Variants in ZNF827 observed in about 807,000 individuals in gnomAD.
ZNF827 encodes zinc finger protein 827.
In ZNF827, 13 loss-of-function variants were observed where a neutral mutation model predicts 102.4. That is an observed-to-expected ratio of 0.13 (90% CI 0.08 to 0.20). The LOEUF (loss-of-function observed/expected upper bound fraction) is 0.20. Among genes scored for constraint, ZNF827 ranks in the 10% least tolerant of loss-of-function variants. ZNF827 has a pLI of 1.00. For synonymous variants in ZNF827, 523 were observed against 536.2 expected, an observed-to-expected ratio of 0.98 and a Z score of 0.34; for missense variants, 1,103 against 1,344.4, an observed-to-expected ratio of 0.82 and a Z score of 2.81.
intron 3 of ZNF827, among the ~76,000 whole-genome samples, chr4:145,889,554 CTTT>C (rs36000739): frequency 7.3e-6 from 1 of 136,748 alleles, no homozygotes; most frequent in Admixed American, 7.3e-5. Flanking sequence ...ACTGACCCCA[CTTT>C]TTTTTTTTTT....
At chr4:145,832,249 G>C (rs1280177104) in intron 7 of ZNF827, 1 of 151,406 alleles carries the variant, frequency 6.6e-6, no homozygotes, top group Non-Finnish European at 1.5e-5. Flanking sequence ...TGGGCGACAG[G>C]GCAAGACCTC....
chr4:145,791,743 G>A (rs1039977136), intron 8 of ZNF827, among the ~76,000 whole-genome samples: 3 of 152,144 alleles, frequency 2.0e-5, no homozygotes, highest in African/African-American at 4.8e-5. Flanking sequence ...TCTGGGCACC[G>A]TGCTAAGGCT....
At chr4:145,918,343 A>AG (rs1752823900) in intron 1 of ZNF827, among the ~76,000 whole-genome samples, 2 of 148,824 alleles carry the variant, frequency 1.3e-5, no homozygotes, top group Non-Finnish European at 3.0e-5. Context: ...AAAAAAAAAA[A>AG]AAAAAAAAAA....
Position 145,763,694 on chromosome 4 carries a change from G to A in ZNF827, c.3231-572C>T, listed in dbSNP as rs1266716456. 6.6e-6 allele frequency among the ~76,000 whole-genome samples: 1 copy of A among 152,216 alleles called. No individual in the cohort carries two copies. The highest frequency in any genetic ancestry group is 2.4e-5 in the African/African-American group (1 of 41,446). On this transcript the variant is annotated intron_variant, in intron 13 of 14. Transcript: ENST00000508784. The surrounding 1 kb of genome is among the most constrained non-coding windows in gnomAD (Gnocchi z 4.6). ...CACTGGTCCAACCACAGAAAAACAT[G>A]GTTCTGGTGTTTCTCTTTTTAAAAT...
chr4:145,912,583 G>T (rs1441690225), intron 1 of ZNF827, among the ~76,000 whole-genome samples: 1 of 152,222 alleles, frequency 6.6e-6, no homozygotes. Context: ...AGATAATCAA[G>T]TGAAGATGAG....
intron 1 of ZNF827, among the ~76,000 whole-genome samples, chr4:145,912,240 A>G (rs530125049): frequency 6.6e-6 from 1 of 152,322 alleles, no homozygotes; most frequent in East Asian, 1.9e-4. Context: ...TGTTATATAT[A>G]AATGTGTTTC....
At chr4:145,813,948 T>A (rs755929607) in intron 8 of ZNF827, among the ~76,000 whole-genome samples, 1 of 152,078 alleles carries the variant, frequency 6.6e-6, no homozygotes, top group Non-Finnish European at 1.5e-5. Flanking sequence ...GGTAACTGAA[T>A]GGAAGTGGAG....
intron 4 of ZNF827, among the ~76,000 whole-genome samples, chr4:145,873,216 T>C (rs1353900504): frequency 6.6e-6 from 1 of 152,158 alleles, no homozygotes. Flanking sequence ...ATTATAGGCG[T>C]GAGCCGACAC....
intron 7 of ZNF827, 83 bp downstream of exon 7, chr4:145,845,873 G>T (rs1247968047): frequency 3.5e-6 from 5 of 1,420,878 alleles, no homozygotes; most frequent in Non-Finnish European, 5.0e-6. Context: ...GGAGAAAGAG[G>T]TTTGGGGAGC....
chr4:145,841,742 G>T (rs564557266), intron 7 of ZNF827, among the ~76,000 whole-genome samples: 1 of 152,344 alleles, frequency 6.6e-6, no homozygotes, highest in African/African-American at 2.4e-5. Context: ...ACACAAACAA[G>T]GGTGGAGGGA....
In ZNF827 at chr4:145,763,126, C is replaced by T. The variant is rs999904577; in HGVS notation, c.3231-4G>A. 49 of 1,536,024 alleles carry T rather than the reference C, an allele frequency of 3.2e-5. No individual in the cohort carries two copies. The highest frequency in any genetic ancestry group is 7.3e-5 in the East Asian group (3 of 40,926). On this transcript the variant is annotated splice_region_variant and splice_polypyrimidine_tract_variant and intron_variant, in intron 13 of 14. Transcript: ENST00000508784. The surrounding 1 kb of genome is among the most constrained non-coding windows in gnomAD (Gnocchi z 4.6). Reference sequence around the variant, plus strand: ...TGAAACTCACCACTGTCCTGAGCTACGGCAAAAGAAAAATAATAGTATAAT... The same window carrying T: ...TGAAACTCACCACTGTCCTGAGCTATGGCAAAAGAAAAATAATAGTATAAT...
chr4:145,807,794 CAAAAACAAAAA>C (rs1249343878), intron 8 of ZNF827, among the ~76,000 whole-genome samples: 5 of 140,362 alleles, frequency 3.6e-5, no homozygotes, highest in African/African-American at 1.3e-4. Flanking sequence ...AAACAAAAAA[CAAAAACAAAAA>C]AAAAACAAAA....
intron 4 of ZNF827, among the ~76,000 whole-genome samples, chr4:145,873,265 T>C (rs1180209070): frequency 6.6e-6 from 1 of 152,186 alleles, no homozygotes; most frequent in Non-Finnish European, 1.5e-5. Context: ...CTGATGTGTC[T>C]CAAGTACCCT....
chr4:145,812,892 GCTTT>G (rs1428040028), intron 8 of ZNF827, among the ~76,000 whole-genome samples: 2 of 152,104 alleles, frequency 1.3e-5, no homozygotes, highest in Admixed American at 6.6e-5. Context: ...CTGTGGTTTT[GCTTT>G]CTAAGATTTC....
At chr4:145,791,421 G>A (rs1395455435) in intron 8 of ZNF827, among the ~76,000 whole-genome samples, 3 of 152,170 alleles carry the variant, frequency 2.0e-5, no homozygotes, top group Non-Finnish European at 4.4e-5. Flanking sequence ...ATTGAAATGG[G>A]GGGACATAAA....
At chr4:145,797,077 T>C (rs11730769) in intron 8 of ZNF827, among the ~76,000 whole-genome samples, 145,859 of 152,276 alleles carry the variant, frequency 0.96, 69,933 homozygotes, top group African/African-American at 0.99. Flanking sequence ...CCTGGGGTCA[T>C]GCCAAACCAG....
chr4:145,798,845 T>C lies in ZNF827; in HGVS notation c.2384-19334A>G, dbSNP rs532728932. On this transcript the variant is annotated intron_variant, in intron 8 of 14. Transcript: ENST00000508784. Reference sequence around the variant, plus strand: ...AGCTACTGCCATTTGTAAATCTGAGTTGCACTTTTTCCACTGTGAGTTTGT... The same window carrying C: ...AGCTACTGCCATTTGTAAATCTGAGCTGCACTTTTTCCACTGTGAGTTTGT... Among the ~76,000 whole-genome samples, 5 of 152,276 alleles carry C rather than the reference T, an allele frequency of 3.3e-5. No individual in the cohort carries two copies. In the East Asian group the frequency reaches 7.7e-4, roughly 23 times the overall value.
At chr4:145,876,466 A>G (rs1749161838) in intron 4 of ZNF827, 2 of 152,232 alleles carry the variant, frequency 1.3e-5, no homozygotes, top group Non-Finnish European at 2.9e-5. Flanking sequence ...GCTTTTGACC[A>G]TAGCTAATAG....
rs1352278491 is a variant in ZNF827, at chr4:145,818,258, A to T, written c.2383+5164T>A. Among the ~76,000 whole-genome samples the T allele has an allele frequency of 2.6e-5, 4 of 152,342 alleles. No individual in the cohort carries two copies. The East Asian group carries it at 7.7e-4, about 29-fold the overall frequency. ...CTTAGCAGGCAGCAAGATAGGGCAG[A>T]AAGAGAGAAAATGTGCTGTGCAGTT... On this transcript the variant is annotated intron_variant, in intron 8 of 14. Coordinates refer to ENST00000508784, the MANE Select transcript of ZNF827 (RefSeq NM_001306215.2).
Sources: allele counts gnomAD v4.1 joint callset (sites outside exome capture counted in the v4.1 genomes callset), GRCh38; gene constraint gnomAD v4.1.1; non-coding constraint Gnocchi (gnomAD v3.1); transcripts MANE v1.5; gene names NCBI Gene and HGNC (gene_info 2026-07-23, HGNC 2026-07-21).